PLXDC2: variants seen among roughly 807,000 people sequenced by gnomAD.
PLXDC2 encodes plexin domain containing 2.
In PLXDC2, 40 loss-of-function variants were observed where a neutral mutation model predicts 68.9. The ratio of observed to expected loss-of-function variants is 0.58; its 90% CI spans 0.45 to 0.76. The LOEUF is 0.76. PLXDC2 is among the 30% of genes least tolerant of loss of function. The pLI is 0.00. For missense variants in PLXDC2, 644 were observed against 661.9 expected, an observed-to-expected ratio of 0.97 and a Z score of 0.30; for synonymous variants, 243 against 234.2, an observed-to-expected ratio of 1.04 and a Z score of -0.34.
At chr10:20,189,289 G>A (rs1177870483) in intron 9 of PLXDC2, among the ~76,000 whole-genome samples, 1 of 150,048 alleles carries the variant, frequency 6.7e-6, no homozygotes, top group Non-Finnish European at 1.5e-5. Context: ...AATACATAAG[G>A]TACTAATAAC....
intron 9 of PLXDC2, among the ~76,000 whole-genome samples, chr10:20,198,157 T>C (rs1283065886): frequency 6.6e-6 from 1 of 151,828 alleles, no homozygotes; most frequent in African/African-American, 2.4e-5. Flanking sequence ...AGGGTGTGAG[T>C]AGGATGGGAG....
intron 6 of PLXDC2, among the ~76,000 whole-genome samples, chr10:20,156,816 T>C (rs986728492): frequency 4.6e-5 from 7 of 152,232 alleles, no homozygotes; most frequent in Non-Finnish European, 8.8e-5. Flanking sequence ...TTGTTACTGA[T>C]ACCCTGGAAA....
At chr10:20,040,009 G>T (rs1028494403) in intron 2 of PLXDC2, among the ~76,000 whole-genome samples, 1 of 152,154 alleles carries the variant, frequency 6.6e-6, no homozygotes, top group Non-Finnish European at 1.5e-5. Flanking sequence ...TGGCCAAGAG[G>T]ACCTCAGAGA....
Position 20,217,591 on chromosome 10 carries a change from G to A in PLXDC2, c.1273+15G>A. On this transcript the variant is annotated intron_variant, in intron 11 of 13. Transcript: ENST00000377252. ...CCCTACAGAAGGTACCCAAGAGATA[G>A]TTTGCTTTTTTTTTTTTTTTTTTTT... The A allele has an allele frequency of 7.5e-6, 3 of 398,058 alleles. No individual in the cohort carries two copies. The highest frequency in any genetic ancestry group is 3.9e-6 in the Non-Finnish European group (1 of 254,560). The allele number at this position is 398,058 out of a possible 1,614,324, so 24.7% of individuals were successfully genotyped here.
At chr10:19,820,646 A>AAC (rs1409541742) in intron 1 of PLXDC2, among the ~76,000 whole-genome samples, 16 of 151,880 alleles carry the variant, frequency 1.1e-4, no homozygotes, top group Admixed American at 2.0e-4. Context: ...GTCTCAAAAA[A>AAC]AAAAAAAAAG....
intron 7 of PLXDC2, among the ~76,000 whole-genome samples, chr10:20,168,714 C>CTT (rs1436768475): frequency 6.6e-6 from 1 of 152,114 alleles, no homozygotes; most frequent in Non-Finnish European, 1.5e-5. Flanking sequence ...ACAGGACTGA[C>CTT]TTTGGTTGTT....
intron 4 of PLXDC2, among the ~76,000 whole-genome samples, chr10:20,104,003 G>A (rs1462324957): frequency 1.3e-5 from 2 of 152,084 alleles, no homozygotes; most frequent in East Asian, 3.9e-4. Context: ...AAGGACATGG[G>A]GTCCAGTACC....
intron 1 of PLXDC2, among the ~76,000 whole-genome samples, chr10:19,934,513 C>A (rs1437101467): frequency 1.3e-5 from 2 of 152,144 alleles, no homozygotes; most frequent in African/African-American, 4.8e-5. Context: ...TTTCCTATTG[C>A]GATCATTACA....
chr10:20,160,962 C>A (rs1290034260), intron 6 of PLXDC2, among the ~76,000 whole-genome samples: 2 of 152,096 alleles, frequency 1.3e-5, no homozygotes, highest in Non-Finnish European at 2.9e-5. Context: ...GCACTCCAGC[C>A]TGGGCAACAC....
At chr10:19,995,440 A>G (rs902324226) in intron 1 of PLXDC2, among the ~76,000 whole-genome samples, 2 of 152,228 alleles carry the variant, frequency 1.3e-5, no homozygotes, top group African/African-American at 2.4e-5. Flanking sequence ...TTAAAAACTC[A>G]GTCCCCAAGG....
At chr10:19,868,002 C>G (rs1016459774) in intron 1 of PLXDC2, among the ~76,000 whole-genome samples, 1 of 152,076 alleles carries the variant, frequency 6.6e-6, no homozygotes, top group Non-Finnish European at 1.5e-5. Context: ...TTTGTCAATG[C>G]CTATTTAGAA....
intron 9 of PLXDC2, among the ~76,000 whole-genome samples, chr10:20,208,892 C>T (rs1345093115): frequency 1.3e-5 from 2 of 151,920 alleles, no homozygotes; most frequent in African/African-American, 4.8e-5. Flanking sequence ...GCGTGATGCT[C>T]CCCAAGCCAT....
chr10:20,211,622 G>A lies in PLXDC2; in HGVS notation c.1062-47G>A. The A allele has an allele frequency of 1.9e-6, 3 of 1,579,486 alleles. No homozygotes were observed. The South Asian group carries it at 3.3e-5, about 18-fold the overall frequency. The stretch of plus-strand genomic sequence containing the variant: ...ACTTTTAATTTCTGTCCACCACCCT[G>A]CACCCTATCCTTCCTTTTCTGAACT... On this transcript the variant is annotated intron_variant, in intron 9 of 13. Coordinates refer to ENST00000377252, the MANE Select transcript of PLXDC2 (RefSeq NM_032812.9).
intron 1 of PLXDC2, among the ~76,000 whole-genome samples, chr10:19,994,798 A>G (rs1373334077): frequency 6.6e-6 from 1 of 151,366 alleles, no homozygotes; most frequent in South Asian, 2.1e-4. Flanking sequence ...GCTGGGGTCC[A>G]GTGGTGCAAT....
At chr10:20,067,799 A>G (rs551907043) in intron 3 of PLXDC2, among the ~76,000 whole-genome samples, 2 of 152,192 alleles carry the variant, frequency 1.3e-5, no homozygotes, top group Non-Finnish European at 2.9e-5. Flanking sequence ...AAATGTAATA[A>G]TGTAACATAA....
intron 4 of PLXDC2, among the ~76,000 whole-genome samples, chr10:20,140,628 A>G (rs2131787764): frequency 6.6e-6 from 1 of 152,212 alleles, no homozygotes; most frequent in African/African-American, 2.4e-5. Flanking sequence ...CCACTCAATT[A>G]TTAACCACTA....
intron 1 of PLXDC2, among the ~76,000 whole-genome samples, chr10:19,903,098 G>A (rs1838185101): frequency 6.6e-6 from 1 of 152,052 alleles, no homozygotes; most frequent in South Asian, 2.1e-4. Context: ...GAGGATTTTT[G>A]CATCTGTGTT....
At chr10:20,028,917 G>A (rs1835453180) in intron 2 of PLXDC2, among the ~76,000 whole-genome samples, 1 of 152,014 alleles carries the variant, frequency 6.6e-6, no homozygotes, top group Non-Finnish European at 1.5e-5. Flanking sequence ...TCAGACTTTC[G>A]GGACAGACAT....
In PLXDC2 at chr10:20,082,064, C is replaced by CAAAAA. The variant is rs1252447303; in HGVS notation, c.541+13833_541+13837dup. 5.4e-3 allele frequency among the ~76,000 whole-genome samples: 378 copies of CAAAAA among 70,094 alleles called. 57 individuals are homozygous for CAAAAA. The highest frequency in any genetic ancestry group is 0.012 in the African/African-American group (209 of 17,460). The allele number at this position is 70,094 out of a possible 152,430, so 46.0% of individuals were successfully genotyped here. A position where few individuals can be genotyped will look rare whatever the true frequency, so the allele number is the denominator to read the frequency against. ...CCATCTGAAAAAAAAAAAAAAAAAT[C>CAAAAA]AAAAAAAAAAAACAGGAGAAGTCTG... On this transcript the variant is annotated intron_variant, in intron 4 of 13. Coordinates refer to ENST00000377252, the MANE Select transcript of PLXDC2 (RefSeq NM_032812.9).
Sources: allele counts gnomAD v4.1 joint callset (sites outside exome capture counted in the v4.1 genomes callset), GRCh38; gene constraint gnomAD v4.1.1; transcripts MANE v1.5; gene names NCBI Gene and HGNC (gene_info 2026-07-23, HGNC 2026-07-21).